The following GLT1D1 variants were observed in gnomAD, a reference collection of about 807,000 sequenced individuals.
The protein encoded by GLT1D1 is glycosyltransferase 1 domain containing 1, also known as glycosyltransferase 1 domain-containing protein 1.
In GLT1D1, 21 loss-of-function variants were observed where a neutral mutation model predicts 28.7. That is an observed-to-expected ratio of 0.73 (90% CI 0.52 to 1.05). GLT1D1 has a LOEUF of 1.05. Ranked by LOEUF, GLT1D1 falls within the 50% of genes least tolerant of loss-of-function variation. The pLI is 0.00. For missense variants in GLT1D1, 343 were observed against 330.6 expected, an observed-to-expected ratio of 1.04 and a Z score of -0.29; for synonymous variants, 147 against 124.8, an observed-to-expected ratio of 1.18 and a Z score of -1.19.
chr12:128,939,458 A>G (rs974542940), intron 4 of GLT1D1, among the ~76,000 whole-genome samples: 1 of 151,436 alleles, frequency 6.6e-6, no homozygotes, highest in Non-Finnish European at 1.5e-5. Flanking sequence ...ACAGTGGCTC[A>G]TGCTTGTAAT....
chr12:128,877,867 A>T (rs572952309), intron 2 of GLT1D1, among the ~76,000 whole-genome samples: 1 of 152,314 alleles, frequency 6.6e-6, no homozygotes, highest in East Asian at 1.9e-4. Flanking sequence ...CTGCAGTCTT[A>T]TCTGGTGGCT....
At chr12:128,941,263 G>A (rs763538706) in intron 4 of GLT1D1, among the ~76,000 whole-genome samples, 25 of 152,260 alleles carry the variant, frequency 1.6e-4, no homozygotes, top group Non-Finnish European at 2.9e-4. Context: ...CTGTTTCTGC[G>A]AAGTCATCCT....
chr12:128,872,496 C>A (rs879537098), intron 1 of GLT1D1, among the ~76,000 whole-genome samples: 2 of 152,060 alleles, frequency 1.3e-5, no homozygotes, highest in Non-Finnish European at 2.9e-5. Flanking sequence ...AAGAAGGAAG[C>A]GTGATGTGCC....
intron 4 of GLT1D1, among the ~76,000 whole-genome samples, chr12:128,942,318 C>T (rs570136302): frequency 3.9e-5 from 6 of 152,068 alleles, no homozygotes; most frequent in East Asian, 1.9e-4. Context: ...TTAGAAAGCA[C>T]GTACGATTAA....
chr12:128,897,949 G>A (rs766761949), intron 3 of GLT1D1, among the ~76,000 whole-genome samples: 1 of 152,200 alleles, frequency 6.6e-6, no homozygotes, highest in Non-Finnish European at 1.5e-5. Context: ...TTACAGGTGT[G>A]AGCCACCAGG....
At chr12:128,915,697 T>C (rs1872041673) in intron 4 of GLT1D1, among the ~76,000 whole-genome samples, 1 of 152,166 alleles carries the variant, frequency 6.6e-6, no homozygotes, top group Non-Finnish European at 1.5e-5. Flanking sequence ...CACTTGAAAT[T>C]TCATCACCAA....
At chr12:128,938,906 G>A (rs1874832459) in intron 4 of GLT1D1, among the ~76,000 whole-genome samples, 1 of 152,148 alleles carries the variant, frequency 6.6e-6, no homozygotes, top group South Asian at 2.1e-4. Context: ...ATGGGTGTTG[G>A]TTGTTTTGTT....
chr12:128,888,707 A>T lies in GLT1D1; in HGVS notation c.286A>T (p.Lys96Ter). Residue 96 changes from lysine (K) to a stop codon, truncating the protein, a stop_gained, in exon 3 of 8, where the codon AAA (lysine) becomes TAA (stop). Coordinates refer to ENST00000281703, the MANE Select transcript of GLT1D1 (RefSeq NM_144669.3). LOFTEE classifies it high-confidence loss of function. ...AAATGAAGATGCCAACCAGGCGGAA[A>T]AAAACACAGTCATGGGCAGAGTTCT... is the stretch of plus-strand genomic sequence containing the variant. 1 of 1,613,734 alleles carries T rather than the reference A, an allele frequency of 6.2e-7. No individual in the cohort carries two copies. Among genetic ancestry groups the T allele is most frequent in the Non-Finnish European group, 8.5e-7 (1 of 1,179,646 alleles).
At chr12:128,951,470 C>T (rs1876685703) in intron 6 of GLT1D1, among the ~76,000 whole-genome samples, 1 of 152,134 alleles carries the variant, frequency 6.6e-6, no homozygotes, top group Admixed American at 6.5e-5. Flanking sequence ...TTTTGCTTGC[C>T]AGTTTTTTTG....
chr12:128,965,007 G>A (rs991391457), intron 7 of GLT1D1, among the ~76,000 whole-genome samples: 3 of 152,228 alleles, frequency 2.0e-5, no homozygotes, highest in Admixed American at 2.0e-4. Context: ...AGGAGCATGG[G>A]ACATAGAGGA....
At chr12:128,941,914 T>A in intron 4 of GLT1D1, among the ~76,000 whole-genome samples, 1 of 147,990 alleles carries the variant, frequency 6.8e-6, no homozygotes, top group African/African-American at 2.5e-5. Context: ...TCTTTTTTTT[T>A]TTTTTTTTTT....
rs138515671 is a variant in GLT1D1 at position 128,861,166 on chromosome 12, C to T, written c.68+7517C>T. ...CCAGGGCGACAAACTGCTGCCTGCC[C>T]GGGGTGAAACGCAGCCTCCCTGCCA... On this transcript the variant is annotated intron_variant, in intron 1 of 7. Coordinates refer to ENST00000281703, the MANE Select transcript of GLT1D1 (RefSeq NM_144669.3). Among the ~76,000 whole-genome samples, 430 of 152,276 alleles carry T rather than the reference C, an allele frequency of 2.8e-3. 3 individuals carry two copies. Among genetic ancestry groups the T allele is most frequent in the African/African-American group, 9.9e-3 (413 of 41,560 alleles).
At position 128,912,411 on chromosome 12, in the gene GLT1D1, C is replaced by T. The variant is rs1371976841; in HGVS notation, c.375+13124C>T. The T allele has an allele frequency of 6.6e-7, 1 of 1,518,660 alleles. No individual in the cohort carries two copies. The highest frequency in any genetic ancestry group is 8.8e-7 in the Non-Finnish European group (1 of 1,132,668). The allele number at this position is 1,518,660 out of a possible 1,614,324, so 94.1% of individuals were successfully genotyped here. ...AATGTACTTTTCTTTTCTCTCTCCC[C>T]TCCTTTCAAAAGCCGCATGCTAAGG... On this transcript the variant is annotated intron_variant, in intron 4 of 7. Transcript: ENST00000281703.
chr12:128,933,752 A>G (rs908941560), intron 4 of GLT1D1, among the ~76,000 whole-genome samples: 26 of 152,342 alleles, frequency 1.7e-4, no homozygotes, highest in African/African-American at 5.8e-4. Context: ...CATCATCATT[A>G]TAACATTTCC....
At chr12:128,931,917 G>GCACGCACGCACACACACACACA (rs1368012620) in intron 4 of GLT1D1, among the ~76,000 whole-genome samples, 4 of 141,000 alleles carry the variant, frequency 2.8e-5, no homozygotes, top group African/African-American at 1.0e-4. Flanking sequence ...ACACACGCAC[G>GCACGCACGCACACACACACACA]CACACACACA....
At chr12:128,884,001 A>G (rs1957123650) in intron 2 of GLT1D1, among the ~76,000 whole-genome samples, 1 of 152,214 alleles carries the variant, frequency 6.6e-6, no homozygotes, top group Admixed American at 6.6e-5. Context: ...ATAAGAGTTT[A>G]TAAATATATC....
At chr12:128,947,982 C>G (rs1876301172) in intron 6 of GLT1D1, among the ~76,000 whole-genome samples, 1 of 152,152 alleles carries the variant, frequency 6.6e-6, no homozygotes, top group Admixed American at 6.6e-5. Flanking sequence ...GCAGTCAGCT[C>G]TATAAAATCG....
intron 2 of GLT1D1, among the ~76,000 whole-genome samples, chr12:128,888,137 T>C (rs947038868): frequency 3.3e-5 from 5 of 152,246 alleles, no homozygotes; most frequent in Non-Finnish European, 5.9e-5. Flanking sequence ...TAGTTGAGCC[T>C]GTCATAATTT....
chr12:128,971,860 C>A (rs67126719), intron 7 of GLT1D1, among the ~76,000 whole-genome samples: 24,437 of 61,962 alleles, frequency 0.39, 4,143 homozygotes, highest in Non-Finnish European at 0.46. Flanking sequence ...TCCCTTCCCC[C>A]CTCCCTCCTC....
Sources: gnomAD v4.1 joint callset for allele counts (sites outside exome capture counted in the v4.1 genomes callset) on GRCh38, gnomAD v4.1.1 for gene constraint, MANE v1.5 for transcripts, NCBI Gene and HGNC (gene_info 2026-07-23, HGNC 2026-07-21) for gene names.